COG3: variants seen among roughly 807,000 people sequenced by gnomAD.
COG3 encodes the protein conserved oligomeric Golgi complex subunit 3.
A neutral mutation model predicts 114.1 loss-of-function variants in COG3; 32 were observed. That is an observed-to-expected ratio of 0.28 (90% CI 0.21 to 0.38). The LOEUF (loss-of-function observed/expected upper bound fraction) is 0.38, where lower values mean the gene tolerates loss of function less well. Ranked by LOEUF, COG3 falls within the 10% of genes least tolerant of loss-of-function variation. COG3 has a pLI of 1.00. For missense variants in COG3, 813 were observed against 973.2 expected (o/e 0.84, Z 2.19); for synonymous variants, 352 against 365.7 (o/e 0.96, Z 0.43).
intron 8 of COG3, among the ~76,000 whole-genome samples, chr13:45,489,284 AACCAGTTT>A (rs1886877941): frequency 6.7e-6 from 1 of 148,560 alleles, no homozygotes; most frequent in Non-Finnish European, 1.5e-5. Context: ...AAAAAAAGCC[AACCAGTTT>A]AAAGGAATTT....
intron 4 of COG3, 29 bp downstream of exon 4, chr13:45,480,319 CATTAT>C: frequency 6.8e-7 from 1 of 1,466,068 alleles, no homozygotes; most frequent in Non-Finnish European, 9.3e-7. Context: ...GAGGATCAGT[CATTAT>C]ATTTAATATT....
At chr13:45,490,778 A>T in intron 8 of COG3, 137 bp from the exon 9 acceptor site, 2 of 442,604 alleles carry the variant, frequency 4.5e-6, no homozygotes, top group Non-Finnish European at 7.9e-6. Context: ...AATTTTTGGT[A>T]TAAGTGATTT....
At chr13:45,496,437 C>T in intron 13 of COG3, 125 bp downstream of exon 13, 1 of 694,886 alleles carries the variant, frequency 1.4e-6, no homozygotes, top group East Asian at 4.8e-5. Flanking sequence ...CCAGGCTGGT[C>T]TCGAACTCCT....
intron 9 of COG3, among the ~76,000 whole-genome samples, 155 bp from the exon 10 acceptor site, chr13:45,491,257 G>T (rs1369494625): frequency 6.6e-6 from 1 of 152,152 alleles, no homozygotes; most frequent in Non-Finnish European, 1.5e-5. Context: ...CTTTTGTTTT[G>T]TGTCTGTATT....
At chr13:45,515,545 A>G (rs7333494) in intron 16 of COG3, among the ~76,000 whole-genome samples, 22,027 of 152,158 alleles carry the variant, frequency 0.14, 2,540 homozygotes, top group African/African-American at 0.32. Flanking sequence ...AGTTTGAATC[A>G]CAAGACTCTT....
chr13:45,500,633 GCTC>G (rs1430446948), intron 13 of COG3, among the ~76,000 whole-genome samples: 1 of 152,148 alleles, frequency 6.6e-6, no homozygotes, highest in Non-Finnish European at 1.5e-5. Flanking sequence ...GCACCCAGTT[GCTC>G]CTATTACCAA....
At chr13:45,504,493 C>T (rs1403718563) in intron 14 of COG3, among the ~76,000 whole-genome samples, 1 of 152,184 alleles carries the variant, frequency 6.6e-6, no homozygotes, top group African/African-American at 2.4e-5. Context: ...ACTTTTTAAC[C>T]CATTACTGGC....
At chr13:45,515,848 C>G (rs572174927) in intron 16 of COG3, among the ~76,000 whole-genome samples, 2 of 152,298 alleles carry the variant, frequency 1.3e-5, no homozygotes, top group South Asian at 2.1e-4. Context: ...ATCTCTTCTA[C>G]CTCTGCACCA....
rs986623962 is a variant in COG3, at chr13:45,518,788, A to G, written c.1957A>G (p.Met653Val). The change falls in exon 18 of 23, where the codon ATG becomes GTG. Residue 653 changes from methionine (M) to valine (V), a missense_variant. By Grantham distance (21) the Met-to-Val change is conservative. Coordinates refer to ENST00000349995, the MANE Select transcript of COG3 (RefSeq NM_031431.4). ...TGCAGCATTTAAAATCCTGAACCCT[A>G]TGACTGTCCCAAGATTTTTTAGGCT... ...RDAAFKILNP[M>V]TVPRFFRLNS... is the part of the protein sequence containing the mutation. The G allele has an allele frequency of 4.3e-6, 7 of 1,613,860 alleles. No homozygotes were observed. The highest frequency in any genetic ancestry group is 2.2e-5 in the East Asian group (1 of 44,874).
At chr13:45,467,812 A>G (rs1885242384) in intron 1 of COG3, among the ~76,000 whole-genome samples, 2 of 152,328 alleles carry the variant, frequency 1.3e-5, no homozygotes, top group South Asian at 2.1e-4. Context: ...TCCAATCAGT[A>G]TAACTCAAGG....
chr13:45,489,156 C>T (rs1441053238), intron 8 of COG3, among the ~76,000 whole-genome samples: 1 of 137,048 alleles, frequency 7.3e-6, no homozygotes, highest in Non-Finnish European at 1.5e-5. Flanking sequence ...CACTGCACTC[C>T]AGCCTGGGTG....
At chr13:45,521,765 G>A (rs910732691) in intron 19 of COG3, among the ~76,000 whole-genome samples, 5 of 151,044 alleles carry the variant, frequency 3.3e-5, no homozygotes, top group African/African-American at 1.2e-4. Flanking sequence ...TTAATTACCT[G>A]CAAGTGCAGA....
intron 13 of COG3, among the ~76,000 whole-genome samples, chr13:45,496,908 C>T (rs1383445219): frequency 2.7e-5 from 4 of 150,742 alleles, no homozygotes; most frequent in South Asian, 2.1e-4. Context: ...CCCCTGACCT[C>T]GTGATCCGCC....
intron 17 of COG3, among the ~76,000 whole-genome samples, chr13:45,516,741 T>G (rs1871581609): frequency 6.6e-6 from 1 of 152,156 alleles, no homozygotes; most frequent in Non-Finnish European, 1.5e-5. Context: ...CTTGGGTGGG[T>G]GTTTTAGCTT....
At chr13:45,505,468 A>G (rs1216411378) in intron 14 of COG3, among the ~76,000 whole-genome samples, 1 of 151,514 alleles carries the variant, frequency 6.6e-6, no homozygotes, top group African/African-American at 2.4e-5. Flanking sequence ...CGCCCAGATA[A>G]TTTTTGTATT....
At chr13:45,473,938 A>G (rs1885683551) in intron 1 of COG3, among the ~76,000 whole-genome samples, 1 of 152,122 alleles carries the variant, frequency 6.6e-6, no homozygotes, top group South Asian at 2.1e-4. Flanking sequence ...GTCCTTTTAT[A>G]CTCAGGGATT....
intron 1 of COG3, among the ~76,000 whole-genome samples, chr13:45,474,951 G>GTCTA (rs1388833335): frequency 6.6e-6 from 1 of 151,804 alleles, no homozygotes; most frequent in South Asian, 2.1e-4. Context: ...AAAACAGTCT[G>GTCTA]TATGTCTATA....
chr13:45,498,076 A>T (rs2137845346), intron 13 of COG3, among the ~76,000 whole-genome samples: 1 of 152,312 alleles, frequency 6.6e-6, no homozygotes, highest in Admixed American at 6.5e-5. Flanking sequence ...GTTCCTTAAT[A>T]TCATCAAGTA....
At chr13:45,528,540 T>TA (rs774233554) in intron 20 of COG3, among the ~76,000 whole-genome samples, 9 of 152,204 alleles carry the variant, frequency 5.9e-5, no homozygotes, top group Non-Finnish European at 1.0e-4. Context: ...AAATGAAAAG[T>TA]AATTATATTT....
Sources: gnomAD v4.1 joint callset for allele counts (sites outside exome capture counted in the v4.1 genomes callset) on GRCh38, gnomAD v4.1.1 for gene constraint, MANE v1.5 for transcripts, NCBI Gene and HGNC (gene_info 2026-07-23, HGNC 2026-07-21) for gene names.